The following DDR2 variants were observed in gnomAD, a reference collection of about 807,000 sequenced individuals.
The protein encoded by DDR2 is discoidin domain receptor tyrosine kinase 2.
A neutral mutation model predicts 94.9 loss-of-function variants in DDR2; 27 were observed. The ratio of observed to expected loss-of-function variants is 0.28; its 90% confidence interval spans 0.21 to 0.39. DDR2 has a LOEUF of 0.39. DDR2 is among the 10% of genes least tolerant of loss of function. The pLI is 1.00. For missense variants in DDR2, 783 were observed against 1,076.0 expected (o/e 0.73, Z 3.81); for synonymous variants, 382 against 377.2 (o/e 1.01, Z -0.15).
At chr1:162,772,289 G>T (rs1490953843) in intron 13 of DDR2, 42 bp downstream of exon 13, 9 of 1,598,998 alleles carry the variant, frequency 5.6e-6, no homozygotes, top group Non-Finnish European at 7.7e-6. Flanking sequence ...GAAGAAGGTG[G>T]TTGGATAAAA....
Position 162,783,246 on chromosome 1 carries a change from C to A in DDR2, c.*3000C>A, listed in dbSNP as rs185132603. Reference sequence around the variant, plus strand: ...AATGTGCTGATAGCCAGGTCTGAAACTTGATGTGCTATCCAGACACATATG... The same window carrying A: ...AATGTGCTGATAGCCAGGTCTGAAAATTGATGTGCTATCCAGACACATATG... On this transcript the variant is annotated 3_prime_UTR_variant, in exon 18 of 18. Transcript: ENST00000367921. 6 of 152,190 alleles carry A rather than the reference C, an allele frequency of 3.9e-5. No homozygotes were observed. Among genetic ancestry groups the A allele is most frequent in the African/African-American group, 9.6e-5 (4 of 41,516 alleles). The allele number at this position is 152,190 out of a possible 1,614,324, so 9.4% of individuals were successfully genotyped here.
At chr1:162,719,014 C>T in intron 2 of DDR2, 23 bp from the exon 3 acceptor site, 3 of 1,609,516 alleles carry the variant, frequency 1.9e-6, no homozygotes, top group Non-Finnish European at 2.6e-6. Context: ...TTTCTGTTTT[C>T]TTGCATTATT....
Position 162,786,642 on chromosome 1 carries a change from A to G in DDR2, c.*6396A>G, listed in dbSNP as rs1648163013. The stretch of plus-strand genomic sequence containing the variant: ...TAACCTTTGCTCTTTATAGTCTTTC[A>G]TTCCTGGGGAAGTGATGGGGCATGG... On this transcript the variant is annotated 3_prime_UTR_variant, in exon 18 of 18. Transcript: ENST00000367921. 1 of 152,176 alleles carries G rather than the reference A, an allele frequency of 6.6e-6. No individual in the cohort carries two copies. The highest frequency in any genetic ancestry group is 1.5e-5 in the Non-Finnish European group (1 of 68,052). 9.4% of individuals were successfully genotyped at this position (152,176 alleles called of 1,614,324 possible).
chr1:162,686,580 G>T (rs906254615), intron 2 of DDR2, among the ~76,000 whole-genome samples: 7 of 152,194 alleles, frequency 4.6e-5, no homozygotes, highest in African/African-American at 1.7e-4. Flanking sequence ...GTATTCCATG[G>T]TATATATGTG....
At chr1:162,700,673 A>G (rs915259074) in intron 2 of DDR2, among the ~76,000 whole-genome samples, 1 of 152,188 alleles carries the variant, frequency 6.6e-6, no homozygotes, top group Non-Finnish European at 1.5e-5. Flanking sequence ...CATACATTGT[A>G]ACCAAAATTT....
At chr1:162,644,423 C>T (rs1657306196) in intron 1 of DDR2, among the ~76,000 whole-genome samples, 3 of 152,094 alleles carry the variant, frequency 2.0e-5, no homozygotes, top group Non-Finnish European at 4.4e-5. Context: ...ACTTTCAAAT[C>T]CATCCTTATG....
In DDR2 at chr1:162,746,219, C is replaced by A. The variant is rs868267258; in HGVS notation, c.83-6876C>A. 3.9e-5 allele frequency among the ~76,000 whole-genome samples: 6 copies of A among 152,280 alleles called. 1 individual carries two copies. In the South Asian group the frequency reaches 1.2e-3, roughly 32 times the overall value. On this transcript the variant is annotated intron_variant, in intron 3 of 17. Transcript: ENST00000367921. The stretch of plus-strand genomic sequence containing the variant: ...GTGGTTGGGGAATTCCCTTTCCTAG[C>A]CAAGGGAAGCTGTGACAGATGGTAC...
intron 2 of DDR2, among the ~76,000 whole-genome samples, chr1:162,661,375 C>A (rs1249546523): frequency 6.6e-6 from 1 of 152,216 alleles, no homozygotes; most frequent in African/African-American, 2.4e-5. Context: ...TTATAATACA[C>A]ATTTTACTCC....
At chr1:162,638,316 C>T (rs190898214) in intron 1 of DDR2, among the ~76,000 whole-genome samples, 89 of 152,282 alleles carry the variant, frequency 5.8e-4, no homozygotes, top group East Asian at 7.7e-4. Flanking sequence ...CCACTGCGCC[C>T]GGCCTGGGAC....
intron 9 of DDR2, among the ~76,000 whole-genome samples, chr1:162,763,330 G>A (rs899742875): frequency 7.9e-6 from 1 of 125,812 alleles, no homozygotes; most frequent in South Asian, 2.6e-4. Flanking sequence ...CTGCTACCAC[G>A]CCCGGCTTTT....
At chr1:162,696,488 C>A (rs995676731) in intron 2 of DDR2, among the ~76,000 whole-genome samples, 1 of 151,936 alleles carries the variant, frequency 6.6e-6, no homozygotes, top group African/African-American at 2.4e-5. Context: ...GTTTCCCTCT[C>A]GGTGTCATAT....
chr1:162,760,025 T>C, intron 8 of DDR2, 46 bp downstream of exon 8: 2 of 1,613,418 alleles, frequency 1.2e-6, no homozygotes, highest in Non-Finnish European at 1.7e-6. Context: ...GAGGCACAAA[T>C]CATAGTGTGG....
chr1:162,779,796 G>A (rs886920122), intron 17 of DDR2, among the ~76,000 whole-genome samples: 3 of 152,156 alleles, frequency 2.0e-5, no homozygotes, highest in Non-Finnish European at 4.4e-5. Context: ...AATATGGGTT[G>A]CCCATAAATG....
chr1:162,696,536 C>A (rs534356875), intron 2 of DDR2, among the ~76,000 whole-genome samples: 54 of 152,034 alleles, frequency 3.6e-4, no homozygotes, highest in Non-Finnish European at 4.3e-4. Flanking sequence ...TCAGCTTGAG[C>A]CTCTGGCTTT....
At position 162,780,576 on chromosome 1, in the gene DDR2, A is replaced by G. The variant is rs2186018; in HGVS notation, c.*330A>G. 0.069 allele frequency: 17,687 copies of G among 257,606 alleles called. 886 individuals carry two copies. The highest frequency in any genetic ancestry group is 0.15 in the Middle Eastern group (108 of 742). 16.0% of individuals were successfully genotyped at this position (257,606 alleles called of 1,614,324 possible). On this transcript the variant is annotated 3_prime_UTR_variant, in exon 18 of 18. Coordinates refer to ENST00000367921, the MANE Select transcript of DDR2 (RefSeq NM_006182.4). ...ATAAAGGTTAACTATACTTGTGCTT[A>G]TAAATGTGCAGATTCTACAATATTT...
At chr1:162,650,592 T>C (rs1657639543) in intron 1 of DDR2, among the ~76,000 whole-genome samples, 1 of 152,082 alleles carries the variant, frequency 6.6e-6, no homozygotes, top group African/African-American at 2.4e-5. Flanking sequence ...TGAGACTCCA[T>C]CTCAAAAATA....
chr1:162,678,725 G>A (rs1042183983), intron 2 of DDR2, among the ~76,000 whole-genome samples: 1 of 152,150 alleles, frequency 6.6e-6, no homozygotes, highest in Non-Finnish European at 1.5e-5. Flanking sequence ...TCCTCACAAA[G>A]TGGCACAATT....
chr1:162,694,590 C>CT (rs1660102955), intron 2 of DDR2, among the ~76,000 whole-genome samples: 1 of 152,008 alleles, frequency 6.6e-6, no homozygotes, highest in Non-Finnish European at 1.5e-5. Context: ...ATTGATTTTT[C>CT]TTTTTTCCAG....
At chr1:162,766,196 G>A (rs1298622802) in intron 10 of DDR2, 133 bp downstream of exon 10, 1 of 888,704 alleles carries the variant, frequency 1.1e-6, no homozygotes, top group Non-Finnish European at 1.9e-6. Context: ...AGTAGCCCTG[G>A]AAAGGTAGGA....
Sources: gnomAD v4.1 joint callset for allele counts (sites outside exome capture counted in the v4.1 genomes callset) on GRCh38, gnomAD v4.1.1 for gene constraint, MANE v1.5 for transcripts, NCBI Gene and HGNC (gene_info 2026-07-23, HGNC 2026-07-21) for gene names.